PCED1B: variants seen among roughly 807,000 people sequenced by gnomAD.
PCED1B encodes PC-esterase domain containing 1B.
For missense variants in PCED1B, 573 were observed against 573.9 expected (o/e 1.00, Z 0.02); for synonymous variants, 251 against 246.1 (o/e 1.02, Z -0.19).
intron 1 of PCED1B, among the ~76,000 whole-genome samples, chr12:47,103,573 A>G (rs1938812477): frequency 6.6e-6 from 1 of 151,828 alleles, no homozygotes; most frequent in Admixed American, 6.6e-5. Context: ...TTCCCACAGT[A>G]ACGTTTGGTC....
In PCED1B at chr12:47,235,030, A is replaced by T; in HGVS notation, c.-34A>T. 6.6e-7 allele frequency: 1 copy of T among 1,504,882 alleles called. No individual in the cohort carries two copies. Among genetic ancestry groups the T allele is most frequent in the Non-Finnish European group, 8.9e-7 (1 of 1,125,698 alleles). The allele number at this position is 1,504,882 out of a possible 1,614,324, so 93.2% of individuals were successfully genotyped here. On this transcript the variant is annotated 5_prime_UTR_variant, in exon 4 of 4. The change creates a premature stop within an existing upstream ORF in the 5' untranslated region. Transcript: ENST00000546455. Reference sequence around the variant, plus strand: ...AGCCATCCGCAGAGCCATCCTGTGCAAAGGAAGGAGCTAGGCTGTGCGCCC... The same window carrying T: ...AGCCATCCGCAGAGCCATCCTGTGCTAAGGAAGGAGCTAGGCTGTGCGCCC...
At chr12:47,164,643 A>G (rs1049074769) in intron 2 of PCED1B, among the ~76,000 whole-genome samples, 1 of 152,156 alleles carries the variant, frequency 6.6e-6, no homozygotes, top group Non-Finnish European at 1.5e-5. Context: ...TCCACTAGGC[A>G]TTGCCCCTGT....
chr12:47,151,386 T>G (rs1422236380), intron 2 of PCED1B, among the ~76,000 whole-genome samples: 1 of 152,328 alleles, frequency 6.6e-6, no homozygotes, highest in Non-Finnish European at 1.5e-5. Flanking sequence ...GGCTATACCA[T>G]ATAGCCTAGG....
At chr12:47,209,592 G>A (rs910438157) in intron 2 of PCED1B, 5 of 152,222 alleles carry the variant, frequency 3.3e-5, no homozygotes, top group Admixed American at 1.3e-4. Context: ...TGTGAAAAGA[G>A]TTGATACACT....
intron 2 of PCED1B, among the ~76,000 whole-genome samples, chr12:47,109,749 A>G (rs1463244686): frequency 6.6e-6 from 1 of 152,192 alleles, no homozygotes; most frequent in Non-Finnish European, 1.5e-5. Flanking sequence ...AATTACCTGA[A>G]AAACTTTTTT....
At chr12:47,206,284 G>A (rs1201983530) in intron 2 of PCED1B, 1 of 152,186 alleles carries the variant, frequency 6.6e-6, no homozygotes, top group Non-Finnish European at 1.5e-5. Context: ...CTAGTCCCCA[G>A]ACAAGAAGGA....
intron 1 of PCED1B, among the ~76,000 whole-genome samples, chr12:47,084,210 A>C (rs73093163): frequency 0.031 from 4,781 of 152,290 alleles, 117 homozygotes; most frequent in Non-Finnish European, 0.045. Flanking sequence ...CAGTTGAGCA[A>C]AATCGTCTAA....
At chr12:47,139,631 G>GT (rs1940515107) in intron 2 of PCED1B, among the ~76,000 whole-genome samples, 1 of 152,142 alleles carries the variant, frequency 6.6e-6, no homozygotes, top group South Asian at 2.1e-4. Flanking sequence ...TGTGTGCTGG[G>GT]TATGAAAGGG....
intron 2 of PCED1B, among the ~76,000 whole-genome samples, chr12:47,195,026 T>C (rs940551181): frequency 6.6e-6 from 1 of 152,202 alleles, no homozygotes; most frequent in African/African-American, 2.4e-5. Flanking sequence ...TTGGAATTCA[T>C]CTTTAGAAAT....
intron 2 of PCED1B, among the ~76,000 whole-genome samples, chr12:47,153,484 A>G (rs1441435679): frequency 6.6e-6 from 1 of 152,210 alleles, no homozygotes; most frequent in Admixed American, 6.5e-5. Context: ...TTCAAGTTCA[A>G]TACATCTTAA....
chr12:47,207,616 C>T (rs1323757564), intron 2 of PCED1B, among the ~76,000 whole-genome samples: 1 of 152,226 alleles, frequency 6.6e-6, no homozygotes, highest in Admixed American at 6.5e-5. Context: ...TTCCTCTTTG[C>T]TTTTATGGAC....
At chr12:47,107,696 G>A (rs1394652343) in intron 2 of PCED1B, among the ~76,000 whole-genome samples, 3 of 152,220 alleles carry the variant, frequency 2.0e-5, no homozygotes, top group Non-Finnish European at 4.4e-5. Flanking sequence ...TCAGGGATGA[G>A]AGAATGCCAG....
chr12:47,089,463 T>A (rs1276545366), intron 1 of PCED1B, among the ~76,000 whole-genome samples: 12 of 71,440 alleles, frequency 1.7e-4, no homozygotes, highest in African/African-American at 7.7e-4. Context: ...AAAAAATACA[T>A]ATATATATAT....
chr12:47,129,088 T>A (rs919587464), intron 2 of PCED1B, among the ~76,000 whole-genome samples: 1 of 152,196 alleles, frequency 6.6e-6, no homozygotes, highest in Admixed American at 6.5e-5. Context: ...ACAAACTAAT[T>A]CAAATTCTCT....
intron 2 of PCED1B, among the ~76,000 whole-genome samples, chr12:47,208,109 G>A (rs904477038): frequency 5.9e-5 from 9 of 152,198 alleles, no homozygotes; most frequent in South Asian, 2.1e-4. Flanking sequence ...AGTTTTCCCA[G>A]GGTCTTGATT....
intron 2 of PCED1B, among the ~76,000 whole-genome samples, chr12:47,104,908 C>T (rs61927669): frequency 0.05 from 7,540 of 152,240 alleles, 320 homozygotes; most frequent in South Asian, 0.1. Flanking sequence ...GAAGCCGGCT[C>T]GCCCCGGGCT....
chr12:47,143,760 A>G (rs2137419111), intron 2 of PCED1B, among the ~76,000 whole-genome samples: 1 of 152,244 alleles, frequency 6.6e-6, no homozygotes, highest in Non-Finnish European at 1.5e-5. Context: ...AAAGACCCTG[A>G]ATAGTTAAAA....
chr12:47,089,308 G>A (rs571940031), intron 1 of PCED1B, among the ~76,000 whole-genome samples: 161 of 151,264 alleles, frequency 1.1e-3, no homozygotes, highest in African/African-American at 2.0e-3. Flanking sequence ...TTAACAGGGC[G>A]TGGTGACGGG....
intron 2 of PCED1B, among the ~76,000 whole-genome samples, chr12:47,112,954 A>ATTTCC (rs1276690354): frequency 1.3e-5 from 2 of 152,178 alleles, no homozygotes; most frequent in African/African-American, 2.4e-5. Context: ...AGCAAATGGA[A>ATTTCC]TTTCCTTTCC....
Sources: allele counts gnomAD v4.1 joint callset (sites outside exome capture counted in the v4.1 genomes callset), GRCh38; gene constraint gnomAD v4.1.1; transcripts MANE v1.5; gene names NCBI Gene and HGNC (gene_info 2026-07-23, HGNC 2026-07-21).